The following KCNQ1 variants were observed in gnomAD, a reference collection of about 807,000 sequenced individuals.
KCNQ1 encodes the protein potassium voltage-gated channel subfamily Q member 1.
Under a neutral mutation model 72.4 loss-of-function variants are expected in KCNQ1, and 49 were observed. The observed-to-expected ratio is 0.68, with a 90% confidence interval of 0.54 to 0.86. The LOEUF is 0.86. KCNQ1 is among the 40% of genes least tolerant of loss of function. The pLI is 0.00. For synonymous variants in KCNQ1, 450 were observed against 412.6 expected, an observed-to-expected ratio of 1.09 and a Z score of -1.10; for missense variants, 790 against 945.1, an observed-to-expected ratio of 0.84 and a Z score of 2.15.
At chr11:2,578,591 A>G (rs963566859) in intron 6 of KCNQ1, among the ~76,000 whole-genome samples, 22 of 152,224 alleles carry the variant, frequency 1.4e-4, no homozygotes, top group Non-Finnish European at 2.9e-4. Context: ...CAGAGCCTCC[A>G]TGAAGAGCCA....
At position 2,762,544 on chromosome 11, in the gene KCNQ1, C is replaced by G. The variant is rs564729561; in HGVS notation, c.1515-6300C>G. 2.0e-5 allele frequency among the ~76,000 whole-genome samples: 3 copies of G among 152,302 alleles called. No individual in the cohort carries two copies. The East Asian group carries it at 5.8e-4, about 29-fold the overall frequency. Reference sequence around the variant, plus strand: ...GGGTTTGTGTGTCTAATGTCCTATTCCACGGGTCCCCAGGCCACAGACCGG... The same window carrying G: ...GGGTTTGTGTGTCTAATGTCCTATTGCACGGGTCCCCAGGCCACAGACCGG... On this transcript the variant is annotated intron_variant, in intron 11 of 15. Coordinates refer to ENST00000155840, the MANE Select transcript of KCNQ1 (RefSeq NM_000218.3). The surrounding 1 kb of genome is among the most constrained non-coding windows in gnomAD (Gnocchi z 4.3).
chr11:2,806,737 C>T (rs987090664), intron 15 of KCNQ1, among the ~76,000 whole-genome samples: 119 of 152,348 alleles, frequency 7.8e-4, no homozygotes, highest in African/African-American at 2.7e-3. Context: ...CCCGGGAGTA[C>T]GTTCGGGCTC....
At chr11:2,594,760 T>G (rs1848712838) in intron 10 of KCNQ1, among the ~76,000 whole-genome samples, 1 of 152,204 alleles carries the variant, frequency 6.6e-6, no homozygotes, top group Non-Finnish European at 1.5e-5. Context: ...TCTTGTACCT[T>G]TCTCATATTT....
At chr11:2,774,198 A>G (rs552612912) in intron 12 of KCNQ1, among the ~76,000 whole-genome samples, 44 of 152,380 alleles carry the variant, frequency 2.9e-4, no homozygotes, top group Middle Eastern at 3.4e-3. Flanking sequence ...CCCATATTAC[A>G]GGAGAAACTG....
In KCNQ1 at chr11:2,724,846, A is replaced by G. The variant is rs1845730733; in HGVS notation, c.1515-43998A>G. Among the ~76,000 whole-genome samples the G allele has an allele frequency of 6.6e-6, 1 of 152,192 alleles. No homozygotes were observed. The highest frequency in any genetic ancestry group is 2.4e-5 in the African/African-American group (1 of 41,440). On this transcript the variant is annotated intron_variant, in intron 11 of 15. Transcript: ENST00000155840. The surrounding 1 kb of genome is among the most constrained non-coding windows in gnomAD (Gnocchi z 6.8). ...TATGGAGCTGGAACAAGGCACTGGAAGGTACCAGGCCTCAGCGTTCTCAAC... is the reference window on the plus strand; with the variant it reads ...TATGGAGCTGGAACAAGGCACTGGAGGGTACCAGGCCTCAGCGTTCTCAAC...
At chr11:2,798,325 C>T (rs1057439084) in intron 15 of KCNQ1, among the ~76,000 whole-genome samples, 1 of 152,184 alleles carries the variant, frequency 6.6e-6, no homozygotes, top group Non-Finnish European at 1.5e-5. Flanking sequence ...CACCTGCAGA[C>T]CTAGCTAGTT....
intron 15 of KCNQ1, among the ~76,000 whole-genome samples, chr11:2,840,608 G>T (rs1848188255): frequency 6.6e-6 from 1 of 152,156 alleles, no homozygotes; most frequent in African/African-American, 2.4e-5. Flanking sequence ...AAAGATGGAT[G>T]GCTTTGACCA....
rs141651993 is a variant in KCNQ1, at chr11:2,550,329, C to T, written c.478-20299C>T. Among the ~76,000 whole-genome samples the T allele has an allele frequency of 1.4e-3, 220 of 152,324 alleles. 1 individual carries two copies. The highest frequency in any genetic ancestry group is 5.1e-3 in the African/African-American group (210 of 41,572). The stretch of plus-strand genomic sequence containing the variant: ...TTCCGACACACTGCAGCATCTGCAT[C>T]CTTGCCGTCACCCCTCACACCCCCT... On this transcript the variant is annotated intron_variant, in intron 2 of 15. Transcript: ENST00000155840. This position sits in a 1 kb window ranked among gnomAD's most constrained non-coding sequence, Gnocchi z 6.0.
At position 2,573,323 on chromosome 11, in the gene KCNQ1, G is replaced by T. The variant is rs143608638; in HGVS notation, c.921+337G>T. On this transcript the variant is annotated intron_variant, in intron 6 of 15. Transcript: ENST00000155840. ...CTGCCTCCCGCCATCGTCCTAGGTTGCCCATTCCCTGCCTCCACCGTGGCC... is the reference window on the plus strand; with the variant it reads ...CTGCCTCCCGCCATCGTCCTAGGTTTCCCATTCCCTGCCTCCACCGTGGCC... Among the ~76,000 whole-genome samples, 439 of 152,236 alleles carry T rather than the reference G, an allele frequency of 2.9e-3. 2 individuals are homozygous for T. Among genetic ancestry groups the T allele is most frequent in the African/African-American group, 9.8e-3 (406 of 41,554 alleles).
intron 2 of KCNQ1, among the ~76,000 whole-genome samples, chr11:2,532,950 T>C (rs938443763): frequency 3.9e-5 from 6 of 152,136 alleles, no homozygotes; most frequent in African/African-American, 1.4e-4. Flanking sequence ...GGAAGGCCTG[T>C]AGACGCCAGA....
rs780861422 is a variant in KCNQ1 at position 2,848,016 on chromosome 11, G to GCTGGGGGATGGGC, written c.*17_*29dup. 2 of 1,534,050 alleles carry GCTGGGGGATGGGC rather than the reference G, an allele frequency of 1.3e-6. No homozygotes were observed. Among genetic ancestry groups the GCTGGGGGATGGGC allele is most frequent in the Non-Finnish European group, 1.8e-6 (2 of 1,138,032 alleles). ...TGAGGGGTCCTGAGGAGGGGATGGGGCTGGGGGATGGGCCTGAGTGAGAGG... is the reference window on the plus strand; with the variant it reads ...TGAGGGGTCCTGAGGAGGGGATGGGGCTGGGGGATGGGCCTGGGGGATGGGCCTGAGTGAGAGG... On this transcript the variant is annotated 3_prime_UTR_variant, in exon 16 of 16. Coordinates refer to ENST00000155840, the MANE Select transcript of KCNQ1 (RefSeq NM_000218.3).
intron 11 of KCNQ1, chr11:2,694,463 A>G (rs926756737): frequency 4.5e-5 from 18 of 398,536 alleles, no homozygotes; most frequent in African/African-American, 3.7e-4. Context: ...AGCCCCTCAC[A>G]ACAAAGATAC....
chr11:2,648,692 A>G (rs576650408), intron 10 of KCNQ1: 40 of 398,548 alleles, frequency 1.0e-4, no homozygotes, highest in East Asian at 7.8e-4. Context: ...GTGTCCTAAC[A>G]TATGGTATAT....
At chr11:2,449,403 G>A (rs959927336) in intron 1 of KCNQ1, among the ~76,000 whole-genome samples, 5 of 152,208 alleles carry the variant, frequency 3.3e-5, no homozygotes, top group African/African-American at 1.2e-4. Context: ...CTGAGGGAGG[G>A]GCTTTGCGGG....
intron 15 of KCNQ1, among the ~76,000 whole-genome samples, chr11:2,789,516 G>C (rs931049492): frequency 6.6e-6 from 1 of 152,212 alleles, no homozygotes; most frequent in Non-Finnish European, 1.5e-5. Flanking sequence ...GTCATTGCTC[G>C]GGAGGGATAT....
chr11:2,694,007 C>T, intron 11 of KCNQ1: 2 of 398,722 alleles, frequency 5.0e-6, no homozygotes, highest in Non-Finnish European at 4.4e-6. Flanking sequence ...TCTAGGCCAC[C>T]TCCAACTTGG....
At position 2,808,440 on chromosome 11, in the gene KCNQ1, C is replaced by T. The variant is rs943615001; in HGVS notation, c.1794+30403C>T. Among the ~76,000 whole-genome samples the T allele has an allele frequency of 6.6e-6, 1 of 152,128 alleles. No homozygotes were observed. The highest frequency in any genetic ancestry group is 2.1e-4 in the South Asian group (1 of 4,826). ...AACAGGGGTGGTCAGGGAAGACCTC[C>T]GAGGGAGGGGCATTTGAAAATAGCA... On this transcript the variant is annotated intron_variant, in intron 15 of 15. Coordinates refer to ENST00000155840, the MANE Select transcript of KCNQ1 (RefSeq NM_000218.3). This position sits in a 1 kb window ranked among gnomAD's most constrained non-coding sequence, Gnocchi z 6.0.
At chr11:2,660,422 A>G in intron 10 of KCNQ1, 1 of 398,634 alleles carries the variant, frequency 2.5e-6, no homozygotes, top group Non-Finnish European at 4.4e-6. Flanking sequence ...TCACTTTAAA[A>G]ACATAAAACA....
intron 11 of KCNQ1, chr11:2,681,736 T>G (rs1334470583): frequency 7.6e-6 from 3 of 396,888 alleles, no homozygotes; most frequent in South Asian, 2.6e-4. Flanking sequence ...TTGTGGGCAC[T>G]GATCACACAC....
Sources: allele counts gnomAD v4.1 joint callset (sites outside exome capture counted in the v4.1 genomes callset), GRCh38; gene constraint gnomAD v4.1.1; non-coding constraint Gnocchi (gnomAD v3.1); transcripts MANE v1.5; gene names NCBI Gene and HGNC (gene_info 2026-07-23, HGNC 2026-07-21).